SPAG16: variants seen among roughly 807,000 people sequenced by gnomAD.
SPAG16 encodes sperm-associated antigen 16 protein.
Under a neutral mutation model 80.4 loss-of-function variants are expected in SPAG16, and 86 were observed. The ratio of observed to expected loss-of-function variants is 1.07; its 90% confidence interval spans 0.90 to 1.28. The LOEUF is 1.28. SPAG16 is among the 50% of genes most tolerant of loss of function. SPAG16 has a pLI of 0.00. For missense variants in SPAG16, 870 were observed against 765.3 expected, an observed-to-expected ratio of 1.14 and a Z score of -1.61; for synonymous variants, 294 against 265.9, an observed-to-expected ratio of 1.11 and a Z score of -1.03.
chr2:213,975,761 A>G (rs1306449249), intron 12 of SPAG16, among the ~76,000 whole-genome samples: 2 of 152,042 alleles, frequency 1.3e-5, no homozygotes, highest in East Asian at 3.9e-4. Flanking sequence ...ATGGAAAGAG[A>G]AAAATTGAAA....
intron 10 of SPAG16, among the ~76,000 whole-genome samples, chr2:213,822,947 G>C (rs1445895403): frequency 6.6e-6 from 1 of 152,168 alleles, no homozygotes; most frequent in Non-Finnish European, 1.5e-5. Context: ...TGGTGTATAA[G>C]TATCACATTT....
At chr2:213,381,972 T>C (rs2067198266) in intron 9 of SPAG16, among the ~76,000 whole-genome samples, 1 of 152,220 alleles carries the variant, frequency 6.6e-6, no homozygotes, top group African/African-American at 2.4e-5. Flanking sequence ...ATTGGAAGAC[T>C]TGTAATCCAG....
chr2:213,995,599 T>G (rs73987112), intron 12 of SPAG16, among the ~76,000 whole-genome samples: 1,763 of 152,284 alleles, frequency 0.012, 29 homozygotes, highest in African/African-American at 0.04. Flanking sequence ...AAATTCTACC[T>G]TAGTCATTCT....
At chr2:214,298,218 CCTGT>C (rs1294646229) in intron 15 of SPAG16, among the ~76,000 whole-genome samples, 4 of 150,834 alleles carry the variant, frequency 2.7e-5, no homozygotes, top group Non-Finnish European at 4.4e-5. Context: ...AGATTGAGTT[CCTGT>C]CTTAGTTCTC....
At chr2:213,664,251 C>T (rs1412091192) in intron 10 of SPAG16, among the ~76,000 whole-genome samples, 2 of 151,978 alleles carry the variant, frequency 1.3e-5, no homozygotes, top group African/African-American at 2.4e-5. Flanking sequence ...TTTATCTTCC[C>T]GTCTTGAAAT....
intron 10 of SPAG16, among the ~76,000 whole-genome samples, chr2:213,663,767 C>T (rs2063506586): frequency 6.6e-6 from 1 of 152,066 alleles, no homozygotes; most frequent in South Asian, 2.1e-4. Flanking sequence ...AATAATGGCT[C>T]ATACATTTGA....
intron 10 of SPAG16, among the ~76,000 whole-genome samples, chr2:213,512,250 G>A (rs1363400512): frequency 2.0e-5 from 3 of 152,104 alleles, no homozygotes; most frequent in Non-Finnish European, 2.9e-5. Context: ...TTTTGAACAA[G>A]GTGGAGTATA....
chr2:213,370,882 C>T (rs1356747713), intron 8 of SPAG16, among the ~76,000 whole-genome samples: 1 of 152,162 alleles, frequency 6.6e-6, no homozygotes, highest in African/African-American at 2.4e-5. Flanking sequence ...GAAATTCTGA[C>T]CCAACATGGG....
intron 10 of SPAG16, among the ~76,000 whole-genome samples, chr2:213,643,226 C>T (rs553126274): frequency 3.9e-4 from 58 of 149,676 alleles, no homozygotes; most frequent in African/African-American, 1.4e-3. Context: ...TAGGGTAAAA[C>T]TTGTTTTTGT....
rs148255552 is a variant in SPAG16, at chr2:213,585,875, A to G, written c.1070+95785A>G. ...TGATTTATGACTCTTGCCCATGATAAGGAAATAGTACCAAAAAGATTAAAA... is the reference window on the plus strand; with the variant it reads ...TGATTTATGACTCTTGCCCATGATAGGGAAATAGTACCAAAAAGATTAAAA... On this transcript the variant is annotated intron_variant, in intron 10 of 15. Transcript: ENST00000331683. Among the ~76,000 whole-genome samples, 421 of 152,346 alleles carry G rather than the reference A, an allele frequency of 2.8e-3. 3 individuals carry two copies. Among genetic ancestry groups the G allele is most frequent in the Non-Finnish European group, 4.6e-3 (316 of 68,028 alleles).
In SPAG16 at chr2:213,508,968, T is replaced by A. The variant is rs112075907; in HGVS notation, c.1070+18878T>A. ...TTAACTCCTTTTACTGACTGTGTTG[T>A]TATTTTCTATACAATATTTTCTTTT... On this transcript the variant is annotated intron_variant, in intron 10 of 15. Transcript: ENST00000331683. Among the ~76,000 whole-genome samples, 120 of 151,416 alleles carry A rather than the reference T, an allele frequency of 7.9e-4. 2 individuals are homozygous for A. The highest frequency in any genetic ancestry group is 3.4e-3 in the Middle Eastern group (1 of 290).
At chr2:213,578,108 T>C (rs2124830424) in intron 10 of SPAG16, among the ~76,000 whole-genome samples, 1 of 151,896 alleles carries the variant, frequency 6.6e-6, no homozygotes, top group East Asian at 1.9e-4. Flanking sequence ...CAAAAAAAAA[T>C]TAGTGAAAAA....
intron 14 of SPAG16, among the ~76,000 whole-genome samples, chr2:214,124,349 C>A (rs1263553063): frequency 6.6e-6 from 1 of 151,632 alleles, no homozygotes; most frequent in African/African-American, 2.4e-5. Flanking sequence ...CTCATTTAAA[C>A]AGGTTTCACA....
Position 213,750,096 on chromosome 2 carries a change from A to T in SPAG16, c.1071-112389A>T, listed in dbSNP as rs529090184. Among the ~76,000 whole-genome samples the T allele has an allele frequency of 2.3e-4, 35 of 152,328 alleles. No homozygotes were observed. In the Middle Eastern group the frequency reaches 0.01, roughly 44 times the overall value. On this transcript the variant is annotated intron_variant, in intron 10 of 15. Transcript: ENST00000331683. ...TATCCTGGAAATAATAACTATGTCG[A>T]CTAATAGGCATCAAAATAAGAATTA...
At chr2:213,588,543 C>T (rs1414921577) in intron 10 of SPAG16, among the ~76,000 whole-genome samples, 1 of 151,206 alleles carries the variant, frequency 6.6e-6, no homozygotes, top group African/African-American at 2.4e-5. Flanking sequence ...TGGCTCACGC[C>T]TGTAATCCCA....
At position 213,883,215 on chromosome 2, in the gene SPAG16, T is replaced by A. The variant is rs186572908; in HGVS notation, c.1214+20587T>A. ...AGATTTTGGTATTTGTTTGCCTATT[T>A]TAATTAATTTCAATACTTTTTTATT... On this transcript the variant is annotated intron_variant, in intron 11 of 15. Coordinates refer to ENST00000331683, the MANE Select transcript of SPAG16 (RefSeq NM_024532.5). Among the ~76,000 whole-genome samples, 450 of 152,330 alleles carry A rather than the reference T, an allele frequency of 3.0e-3. 4 individuals carry two copies. Among genetic ancestry groups the A allele is most frequent in the Non-Finnish European group, 3.3e-3 (227 of 68,038 alleles).
intron 12 of SPAG16, among the ~76,000 whole-genome samples, chr2:214,010,974 T>G (rs2047253691): frequency 6.8e-6 from 1 of 146,162 alleles, no homozygotes; most frequent in Non-Finnish European, 1.5e-5. Flanking sequence ...ATATTTTTCT[T>G]AATGTTATCT....
chr2:213,998,466 T>TGCAG (rs1303802431), intron 12 of SPAG16, among the ~76,000 whole-genome samples: 9 of 152,242 alleles, frequency 5.9e-5, no homozygotes, highest in Admixed American at 2.0e-4. Flanking sequence ...CCTCCTGCCA[T>TGCAG]GATTCTGAGG....
At chr2:213,535,314 A>T (rs2076205490) in intron 10 of SPAG16, among the ~76,000 whole-genome samples, 1 of 152,120 alleles carries the variant, frequency 6.6e-6, no homozygotes, top group Non-Finnish European at 1.5e-5. Flanking sequence ...AGTATATTAA[A>T]ACATTTAAAT....
Sources: allele counts gnomAD v4.1 joint callset (sites outside exome capture counted in the v4.1 genomes callset), GRCh38; gene constraint gnomAD v4.1.1; transcripts MANE v1.5; gene names NCBI Gene and HGNC (gene_info 2026-07-23, HGNC 2026-07-21).